Variants in CYSLTR2 observed in about 807,000 individuals in gnomAD.
The protein encoded by CYSLTR2 is cysteinyl leukotriene receptor 2, also known as G-protein coupled receptor GPCR21.
For synonymous variants in CYSLTR2, 179 were observed against 160.8 expected (o/e 1.11, Z -0.86); for missense variants, 398 against 411.9 (o/e 0.97, Z 0.29).
Position 48,707,124 on chromosome 13 carries a change from A to G in CYSLTR2, c.307A>G (p.Asn103Asp), listed in dbSNP as rs752186046. The stretch of plus-strand genomic sequence containing the variant: ...GGCTGACTATTATCTTAGAGGCTCC[A>G]ATTGGATATTTGGAGACCTGGCCTG... ...FRADYYLRGS[N>D]WIFGDLACRI... The change falls in exon 5 of 5, where the codon AAT becomes GAT. Residue 103 changes from asparagine (N) to aspartate (D), a missense_variant. Asn to Asp is a conservative substitution (Grantham distance 23). Coordinates refer to ENST00000682523, the MANE Select transcript of CYSLTR2 (RefSeq NM_001308476.3). 6.2e-7 allele frequency: 1 copy of G among 1,614,208 alleles called. No individual in the cohort carries two copies. The highest frequency in any genetic ancestry group is 1.1e-5 in the South Asian group (1 of 91,084).
chr13:48,686,038 A>G (rs1000091691), intron 1 of CYSLTR2, among the ~76,000 whole-genome samples: 1 of 152,170 alleles, frequency 6.6e-6, no homozygotes, highest in African/African-American at 2.4e-5. Flanking sequence ...CATCTCATGG[A>G]TTCGTGTTTA....
chr13:48,680,554 C>T (rs1249874137), intron 1 of CYSLTR2, among the ~76,000 whole-genome samples: 1 of 152,174 alleles, frequency 6.6e-6, no homozygotes, highest in African/African-American at 2.4e-5. Context: ...AGCAAAGCTG[C>T]AGGAGATGAA....
chr13:48,686,109 C>G (rs1953888858), intron 1 of CYSLTR2, among the ~76,000 whole-genome samples: 1 of 152,046 alleles, frequency 6.6e-6, no homozygotes. Context: ...TTTTTTTTGA[C>G]ATCATTTACA....
intron 2 of CYSLTR2, among the ~76,000 whole-genome samples, chr13:48,692,891 T>C (rs894127475): frequency 6.6e-6 from 1 of 151,704 alleles, no homozygotes; most frequent in African/African-American, 2.4e-5. Flanking sequence ...TAAACATAAT[T>C]GTATTTAATG....
intron 1 of CYSLTR2, among the ~76,000 whole-genome samples, chr13:48,672,873 C>T (rs1953479772): frequency 6.6e-6 from 1 of 152,100 alleles, no homozygotes; most frequent in South Asian, 2.1e-4. Context: ...GCCTTGGCCT[C>T]CCAAAGTACT....
chr13:48,705,048 A>G (rs1005838904), intron 4 of CYSLTR2, among the ~76,000 whole-genome samples: 1 of 152,166 alleles, frequency 6.6e-6, no homozygotes, highest in African/African-American at 2.4e-5. Context: ...CCTTGAAGTC[A>G]CTAAATATCT....
intron 4 of CYSLTR2, among the ~76,000 whole-genome samples, chr13:48,697,641 G>T (rs9591201): frequency 1.3e-5 from 2 of 152,126 alleles, no homozygotes; most frequent in African/African-American, 4.8e-5. Flanking sequence ...TGCCAGCAAC[G>T]GAACAAAGCT....
intron 1 of CYSLTR2, among the ~76,000 whole-genome samples, chr13:48,672,597 G>GTTTCT (rs780675742): frequency 1.3e-4 from 18 of 133,884 alleles, no homozygotes; most frequent in Admixed American, 3.8e-4. Context: ...TTTTGAGTGA[G>GTTTCT]TTTCTTTTCT....
rs1031235931 is a variant in CYSLTR2, at chr13:48,707,170, T to C, written c.353T>C (p.Leu118Ser). The C allele has an allele frequency of 6.2e-6, 10 of 1,614,204 alleles. No homozygotes were observed. The highest frequency in any genetic ancestry group is 1.7e-5 in the Admixed American group (1 of 60,032). Residue 118 changes from leucine to serine, a missense_variant, in exon 5 of 5, where the codon TTG (leucine) becomes TCG (serine). Physicochemically the swap from Leu to Ser is moderately radical, Grantham distance 145 (BLOSUM62 -2). Transcript: ENST00000682523. Reference sequence around the variant, plus strand: ...GCCTGCAGGATTATGTCTTATTCCTTGTATGTCAACATGTACAGCAGTATT... The same window carrying C: ...GCCTGCAGGATTATGTCTTATTCCTCGTATGTCAACATGTACAGCAGTATT... ...DLACRIMSYS[L>S]YVNMYSSIYF... is the part of the protein sequence containing the mutation.
chr13:48,674,995 A>T (rs950903148), intron 1 of CYSLTR2, among the ~76,000 whole-genome samples: 3 of 152,122 alleles, frequency 2.0e-5, no homozygotes, highest in Non-Finnish European at 2.9e-5. Flanking sequence ...CTTCCTCTGG[A>T]AGCTTTGTCC....
intron 4 of CYSLTR2, among the ~76,000 whole-genome samples, chr13:48,702,394 A>G (rs960618813): frequency 6.6e-6 from 1 of 152,182 alleles, no homozygotes; most frequent in Non-Finnish European, 1.5e-5. Context: ...CGTACCCTAG[A>G]ACTTAAAGTA....
At chr13:48,703,242 C>T (rs1256012112) in intron 4 of CYSLTR2, among the ~76,000 whole-genome samples, 1 of 152,028 alleles carries the variant, frequency 6.6e-6, no homozygotes, top group East Asian at 1.9e-4. Context: ...TTCTATGTAA[C>T]TATGTCATCT....
At chr13:48,686,110 A>G (rs972222170) in intron 1 of CYSLTR2, among the ~76,000 whole-genome samples, 1 of 152,148 alleles carries the variant, frequency 6.6e-6, no homozygotes, top group African/African-American at 2.4e-5. Context: ...TTTTTTTGAC[A>G]TCATTTACAT....
At chr13:48,668,588 C>T (rs1260639772) in intron 1 of CYSLTR2, among the ~76,000 whole-genome samples, 1 of 152,066 alleles carries the variant, frequency 6.6e-6, no homozygotes, top group African/African-American at 2.4e-5. Context: ...TCATTATCCT[C>T]ATTTTATTTT....
intron 1 of CYSLTR2, among the ~76,000 whole-genome samples, chr13:48,670,072 T>A (rs1478378728): frequency 1.3e-5 from 2 of 152,280 alleles, no homozygotes; most frequent in Non-Finnish European, 2.9e-5. Flanking sequence ...CGCATAAATA[T>A]CTTCTTTTGA....
chr13:48,678,163 A>G (rs1953651482), intron 1 of CYSLTR2, among the ~76,000 whole-genome samples: 1 of 152,060 alleles, frequency 6.6e-6, no homozygotes, highest in South Asian at 2.1e-4. Context: ...AAGCCCAAGT[A>G]CAGAGAGGCT....
chr13:48,665,662 C>G (rs1346717862), intron 1 of CYSLTR2, among the ~76,000 whole-genome samples: 1 of 151,944 alleles, frequency 6.6e-6, no homozygotes, highest in Non-Finnish European at 1.5e-5. Flanking sequence ...CATGGAATAT[C>G]TTTTTTCGTC....
chr13:48,701,665 C>T (rs887356903), intron 4 of CYSLTR2, among the ~76,000 whole-genome samples: 9 of 152,174 alleles, frequency 5.9e-5, no homozygotes, highest in African/African-American at 2.2e-4. Context: ...AAAAAATGCT[C>T]ATCATCACTG....
chr13:48,683,339 C>T (rs1359859878), intron 1 of CYSLTR2, among the ~76,000 whole-genome samples: 1 of 152,236 alleles, frequency 6.6e-6, no homozygotes, highest in Non-Finnish European at 1.5e-5. Context: ...AATTTACACT[C>T]TCACAAACAG....
Sources: gnomAD v4.1 joint callset for allele counts (sites outside exome capture counted in the v4.1 genomes callset) on GRCh38, gnomAD v4.1.1 for gene constraint, MANE v1.5 for transcripts, NCBI Gene and HGNC (gene_info 2026-07-23, HGNC 2026-07-21) for gene names.